Variants in SBNO2 observed in about 807,000 individuals in gnomAD.
SBNO2 encodes the protein protein strawberry notch homolog 2.
SBNO2 carries 89 observed loss-of-function variants against 146.3 expected under a neutral mutation model. The ratio of observed to expected loss-of-function variants is 0.61; its 90% CI spans 0.51 to 0.73. The LOEUF (loss-of-function observed/expected upper bound fraction) is 0.73. Ranked by LOEUF, SBNO2 falls within the 30% of genes least tolerant of loss-of-function variation. SBNO2 has a pLI of 0.00. For missense variants in SBNO2, 2,092 were observed against 2,003.7 expected, an observed-to-expected ratio of 1.04 and a Z score of -0.84; for synonymous variants, 1,147 against 892.6, an observed-to-expected ratio of 1.29 and a Z score of -5.08.
Position 1,109,797 on chromosome 19 carries a change from G to T in SBNO2, c.3029-20C>A. The T allele has an allele frequency of 1.3e-6, 2 of 1,544,620 alleles. No individual in the cohort carries two copies. Among genetic ancestry groups the T allele is most frequent in the Non-Finnish European group, 1.8e-6 (2 of 1,132,696 alleles). On this transcript the variant is annotated intron_variant, in intron 26 of 31. Transcript: ENST00000361757. The surrounding 1 kb of genome is among the most constrained non-coding windows in gnomAD (Gnocchi z 4.2). The stretch of plus-strand genomic sequence containing the variant: ...CAAGGTCTAGGGGGGCGGGTGGAGG[G>T]TAAGTGGTGTCCAGGCCTGGGACTG...
At position 1,118,238 on chromosome 19, in the gene SBNO2, T is replaced by C. The variant is rs530439221; in HGVS notation, c.1528-739A>G. The stretch of plus-strand genomic sequence containing the variant: ...CTGTAACCCCAGCTACGCGGGAGGC[T>C]GAGGCAGGAGAATTGCTTGAATCTG... On this transcript the variant is annotated intron_variant, in intron 14 of 31. Coordinates refer to ENST00000361757, the MANE Select transcript of SBNO2 (RefSeq NM_014963.3). Among the ~76,000 whole-genome samples the C allele has an allele frequency of 9.9e-5, 15 of 151,998 alleles. No individual in the cohort carries two copies. The South Asian group carries it at 3.1e-3, about 32-fold the overall frequency.
rs888032394 is a variant in SBNO2 at position 1,126,501 on chromosome 19, G to A, written c.441+1103C>T. On this transcript the variant is annotated intron_variant, in intron 5 of 31. Coordinates refer to ENST00000361757, the MANE Select transcript of SBNO2 (RefSeq NM_014963.3). The surrounding 1 kb of genome is among the most constrained non-coding windows in gnomAD (Gnocchi z 4.4). Reference sequence around the variant, plus strand: ...GTGAAATGCTCTGCTGGGCCCTTGTGCCAGAGGGACCAAGCCTGAGCCGCC... The same window carrying A: ...GTGAAATGCTCTGCTGGGCCCTTGTACCAGAGGGACCAAGCCTGAGCCGCC... 5.3e-5 allele frequency among the ~76,000 whole-genome samples: 8 copies of A among 152,214 alleles called. No individual in the cohort carries two copies. The highest frequency in any genetic ancestry group is 1.9e-4 in the East Asian group (1 of 5,168).
chr19:1,108,717 C>T lies in SBNO2; in HGVS notation c.3617-13G>A, dbSNP rs761001783. 22 of 1,561,462 alleles carry T rather than the reference C, an allele frequency of 1.4e-5. No individual in the cohort carries two copies. The highest frequency in any genetic ancestry group is 1.8e-5 in the Non-Finnish European group (21 of 1,161,804). On this transcript the variant is annotated splice_polypyrimidine_tract_variant and intron_variant, in intron 31 of 31. Transcript: ENST00000361757. ...GGGATCTTGATGCCTGCGGGCAGAG[C>T]GTCGGGGTCAGGGCCGGCGCTGGGG...
intron 1 of SBNO2, among the ~76,000 whole-genome samples, chr19:1,163,296 G>C (rs1233142644): frequency 6.6e-6 from 1 of 151,704 alleles, no homozygotes; most frequent in African/African-American, 2.4e-5. Context: ...CGGCCGCATG[G>C]AGACGGAGCA....
At chr19:1,123,282 G>A (rs879357) in intron 7 of SBNO2, among the ~76,000 whole-genome samples, 6,662 of 152,114 alleles carry the variant, frequency 0.044, 508 homozygotes, top group African/African-American at 0.15. Flanking sequence ...TGGGGGCGTG[G>A]CCAGCGGCTT....
chr19:1,142,861 G>A (rs2080154156), intron 4 of SBNO2, among the ~76,000 whole-genome samples: 1 of 152,154 alleles, frequency 6.6e-6, no homozygotes, highest in Non-Finnish European at 1.5e-5. Flanking sequence ...CAGCTACTTG[G>A]TAGGCTGAGG....
At chr19:1,117,162 G>A (rs2079842663) in intron 15 of SBNO2, among the ~76,000 whole-genome samples, 161 bp downstream of exon 15, 1 of 152,222 alleles carries the variant, frequency 6.6e-6, no homozygotes, top group African/African-American at 2.4e-5. Flanking sequence ...CTGACACCCT[G>A]GCTGGCTCTG....
intron 1 of SBNO2, among the ~76,000 whole-genome samples, chr19:1,155,733 CG>C (rs2080284385): frequency 6.6e-6 from 1 of 152,192 alleles, no homozygotes; most frequent in African/African-American, 2.4e-5. Flanking sequence ...CCCCCGACCC[CG>C]GCCCCGTGTG....
intron 2 of SBNO2, 107 bp downstream of exon 2, chr19:1,154,077 C>A (rs775604304): frequency 6.1e-6 from 3 of 493,008 alleles, no homozygotes; most frequent in Non-Finnish European, 9.5e-6. Context: ...GGAGATCACG[C>A]CGCGTCCACT....
In SBNO2 at chr19:1,122,491, T is replaced by C. The variant is rs2079912764; in HGVS notation, c.982A>G (p.Ile328Val). Reference protein sequence around the residue: ...RDLRDIEATGIAVHALSKIKY... With the variant: ...RDLRDIEATGVAVHALSKIKY... ...ACCTTGCTGAGCGCGTGCACCGCGA[T>C]GCCCGTGGCTTCGATGTCCCGCAGG... Residue 328 changes from isoleucine (I) to valine (V), a missense_variant, in exon 10 of 32, where the codon ATC becomes GTC. Transcript: ENST00000361757. 1.3e-6 allele frequency: 2 copies of C among 1,573,660 alleles called. No homozygotes were observed. The highest frequency in any genetic ancestry group is 8.6e-7 in the Non-Finnish European group (1 of 1,161,646).
intron 4 of SBNO2, among the ~76,000 whole-genome samples, chr19:1,134,431 G>A (rs1245907107): frequency 6.7e-6 from 1 of 148,718 alleles, no homozygotes; most frequent in African/African-American, 2.5e-5. Context: ...GCACAGTGAG[G>A]CCGTCCACAC....
chr19:1,132,414 G>A (rs2080041473), intron 4 of SBNO2: 1 of 558,914 alleles, frequency 1.8e-6, no homozygotes, highest in African/African-American at 2.0e-5. Context: ...CACAGGCGCT[G>A]TCAACACGCA....
chr19:1,126,424 C>T lies in SBNO2; in HGVS notation c.441+1180G>A, dbSNP rs536178894. Among the ~76,000 whole-genome samples, 1 of 152,204 alleles carries T rather than the reference C, an allele frequency of 6.6e-6. No homozygotes were observed. The highest frequency in any genetic ancestry group is 1.5e-5 in the Non-Finnish European group (1 of 68,030). ...GGTCAGGCCCTGGCTTCTTTCCTCA[C>T]GCCCTGCTGAGGACCTGGGAGCTAG... On this transcript the variant is annotated intron_variant, in intron 5 of 31. Coordinates refer to ENST00000361757, the MANE Select transcript of SBNO2 (RefSeq NM_014963.3). The surrounding 1 kb of genome is among the most constrained non-coding windows in gnomAD (Gnocchi z 4.4).
intron 12 of SBNO2, 46 bp from the exon 13 acceptor site, chr19:1,119,667 G>A (rs777688994): frequency 5.5e-5 from 83 of 1,506,102 alleles, no homozygotes; most frequent in Admixed American, 7.5e-5. Context: ...GGAGGGCCCA[G>A]AGGCCGCGTC....
intron 4 of SBNO2, among the ~76,000 whole-genome samples, chr19:1,134,225 A>AGGT (rs770428995): frequency 1.4e-5 from 2 of 139,814 alleles, no homozygotes; most frequent in African/African-American, 2.6e-5. Flanking sequence ...CACAGCTCAC[A>AGGT]GGACCTACAG....
rs1255787551 is a variant in SBNO2 at position 1,140,335 on chromosome 19, C to T, written c.279+6974G>A. Among the ~76,000 whole-genome samples the T allele has an allele frequency of 1.3e-5, 2 of 151,890 alleles. No homozygotes were observed. Among genetic ancestry groups the T allele is most frequent in the African/African-American group, 4.8e-5 (2 of 41,368 alleles). On this transcript the variant is annotated intron_variant, in intron 4 of 31. Coordinates refer to ENST00000361757, the MANE Select transcript of SBNO2 (RefSeq NM_014963.3). This position sits in a 1 kb window ranked among gnomAD's most constrained non-coding sequence, Gnocchi z 4.4. ...AAAAAGCAGCAGCAACACAGAGCCA[C>T]GTGTCCACAGAACCACGGTTCACCT... is the stretch of plus-strand genomic sequence containing the variant.
At position 1,136,105 on chromosome 19, in the gene SBNO2, C is replaced by T. The variant is rs2080082752; in HGVS notation, c.280-8340G>A. Among the ~76,000 whole-genome samples, 1 of 152,082 alleles carries T rather than the reference C, an allele frequency of 6.6e-6. No individual in the cohort carries two copies. Among genetic ancestry groups the T allele is most frequent in the Non-Finnish European group, 1.5e-5 (1 of 68,010 alleles). On this transcript the variant is annotated intron_variant, in intron 4 of 31. Transcript: ENST00000361757. This position sits in a 1 kb window ranked among gnomAD's most constrained non-coding sequence, Gnocchi z 4.2. ...AGACACAGTCCCGGGGAGGAGGCCA[C>T]GGGACACAGAAGCAGAGATCCCAGC...
rs563905207 is a variant in SBNO2 at position 1,127,809 on chromosome 19, C to T, written c.280-44G>A. The T allele has an allele frequency of 5.0e-6, 8 of 1,588,576 alleles. No individual in the cohort carries two copies. In the African/African-American group the frequency reaches 1.1e-4, roughly 21 times the overall value. On this transcript the variant is annotated intron_variant, in intron 4 of 31. Coordinates refer to ENST00000361757, the MANE Select transcript of SBNO2 (RefSeq NM_014963.3). ...CCCGGTGAGGGTGGTACGGGAGACACCAAGGCCCCTCCACGCACTGGAGCA... is the reference window on the plus strand; with the variant it reads ...CCCGGTGAGGGTGGTACGGGAGACATCAAGGCCCCTCCACGCACTGGAGCA...
At chr19:1,159,996 G>A (rs2080329085) in intron 1 of SBNO2, among the ~76,000 whole-genome samples, 1 of 152,092 alleles carries the variant, frequency 6.6e-6, no homozygotes, top group African/African-American at 2.4e-5. Flanking sequence ...CGCCAGTGCT[G>A]CTCTCTGCAG....
Sources: allele counts gnomAD v4.1 joint callset (sites outside exome capture counted in the v4.1 genomes callset), GRCh38; gene constraint gnomAD v4.1.1; non-coding constraint Gnocchi (gnomAD v3.1); transcripts MANE v1.5; gene names NCBI Gene and HGNC (gene_info 2026-07-23, HGNC 2026-07-21).